The following HRCT1 variants were observed in gnomAD, a reference collection of about 807,000 sequenced individuals.
HRCT1 encodes the protein histidine rich carboxyl terminus 1, also known as histidine-rich carboxyl terminus protein 1.
For synonymous variants in HRCT1, 76 were observed against 69.0 expected (o/e 1.10, Z -0.50); for missense variants, 185 against 161.3 (o/e 1.15, Z -0.80).
chr9:35,906,661 C>T lies in HRCT1; in HGVS notation c.*26C>T, dbSNP rs1383301340. ...GGCTGCTGTCGCCGGTGCCTGTGGACAGCAGCTGCCCCTGCCCTCCCATCT... is the reference window on the plus strand; with the variant it reads ...GGCTGCTGTCGCCGGTGCCTGTGGATAGCAGCTGCCCCTGCCCTCCCATCT... On this transcript the variant is annotated 3_prime_UTR_variant, in exon 1 of 1. Coordinates refer to ENST00000354323, the MANE Select transcript of HRCT1 (RefSeq NM_001039792.2). 7.3e-7 allele frequency: 1 copy of T among 1,373,012 alleles called. No individual in the cohort carries two copies. The highest frequency in any genetic ancestry group is 1.5e-5 in the African/African-American group (1 of 67,452). 85.1% of individuals were successfully genotyped at this position (1,373,012 alleles called of 1,614,324 possible). A position where few individuals can be genotyped will look rare whatever the true frequency, so the allele number is the denominator to read the frequency against.
chr9:35,906,883 C>T lies in HRCT1; in HGVS notation c.*248C>T, dbSNP rs989801553. 16 of 546,348 alleles carry T rather than the reference C, an allele frequency of 2.9e-5. No homozygotes were observed. The highest frequency in any genetic ancestry group is 4.3e-5 in the Non-Finnish European group (13 of 304,484). 33.8% of individuals were successfully genotyped at this position (546,348 alleles called of 1,614,324 possible). On this transcript the variant is annotated 3_prime_UTR_variant, in exon 1 of 1. Coordinates refer to ENST00000354323, the MANE Select transcript of HRCT1 (RefSeq NM_001039792.2). ...GGAGTGGAGAGCAAGGGTGCTCTTT[C>T]GGGGCTGGACAGCCCGTCTTGTGAC... is the stretch of plus-strand genomic sequence containing the variant.
At chr9:35,906,560 CCACCCCCGCCA>C in the HRCT1 span, 4 of 1,541,616 alleles carry the variant, frequency 2.6e-6, no homozygotes, top group South Asian at 1.2e-5. Flanking sequence ...ACCACCACCA[CCACCCCCGCCA>C]CACCCCTCAC....
rs1833083555 is a variant in HRCT1, at chr9:35,906,465, C to A, written c.178C>A (p.Pro60Thr). ...GNRVRRAQPWPFRRRGHLGIF... is the reference protein window; with the variant it reads ...GNRVRRAQPWTFRRRGHLGIF... ...CCGAGTCCGCCGGGCCCAGCCTTGG[C>A]CCTTCCGGCGGCGGGGCCACCTGGG... The change falls in exon 1 of 1, where the codon CCC becomes ACC. Residue 60 changes from proline to threonine, a missense_variant. Physicochemically the swap from Pro to Thr is conservative, Grantham distance 38. Transcript: ENST00000354323. The A allele has an allele frequency of 1.9e-6, 3 of 1,612,200 alleles. No homozygotes were observed. Among genetic ancestry groups the A allele is most frequent in the Non-Finnish European group, 2.5e-6 (3 of 1,179,434 alleles).
At position 35,906,211 on chromosome 9, in the gene HRCT1, G is replaced by A; in HGVS notation, c.-77G>A. ...AGAGACAACAAAGTTCAGTGACTGA[G>A]AGGGCTGAGCGGAGGCTGCTGAAGG... On this transcript the variant is annotated 5_prime_UTR_variant, in exon 1 of 1. Transcript: ENST00000354323. 2.0e-6 allele frequency: 3 copies of A among 1,512,768 alleles called. No individual in the cohort carries two copies. The highest frequency in any genetic ancestry group is 1.8e-6 in the Non-Finnish European group (2 of 1,131,986). 93.7% of individuals were successfully genotyped at this position (1,512,768 alleles called of 1,614,324 possible).
In HRCT1 at chr9:35,906,936, A is replaced by T; in HGVS notation, c.*301A>T. On this transcript the variant is annotated 3_prime_UTR_variant, in exon 1 of 1. Coordinates refer to ENST00000354323, the MANE Select transcript of HRCT1 (RefSeq NM_001039792.2). ...TGACTCCCAGTGAGCCCCAGAAATG[A>T]CAAGCGTGTCTTGGCAGAGCCAGCA... is the stretch of plus-strand genomic sequence containing the variant. 2.2e-6 allele frequency: 1 copy of T among 460,772 alleles called. No homozygotes were observed. The highest frequency in any genetic ancestry group is 4.3e-5 in the South Asian group (1 of 23,258). 28.5% of individuals were successfully genotyped at this position (460,772 alleles called of 1,614,324 possible). A position where few individuals can be genotyped will look rare whatever the true frequency, so the allele number is the denominator to read the frequency against.
rs1405214023 is a variant in HRCT1 at position 35,906,252 on chromosome 9, G to A, written c.-36G>A. ...CTGCTGAAGGGGAGAAAGGAGTGAGGAGCTGCTGGGCAGAGAGGGACTGTC... is the reference window on the plus strand; with the variant it reads ...CTGCTGAAGGGGAGAAAGGAGTGAGAAGCTGCTGGGCAGAGAGGGACTGTC... On this transcript the variant is annotated 5_prime_UTR_variant, in exon 1 of 1. Coordinates refer to ENST00000354323, the MANE Select transcript of HRCT1 (RefSeq NM_001039792.2). 1.3e-6 allele frequency: 2 copies of A among 1,562,874 alleles called. No individual in the cohort carries two copies. Among genetic ancestry groups the A allele is most frequent in the African/African-American group, 2.7e-5 (2 of 74,124 alleles).
rs1324008812 is a variant in HRCT1, at chr9:35,906,565, CCCGCCACACCCCTCACCACCTCCACCA to C, written c.281_307del (p.Arg94_His102del). The C allele has an allele frequency of 3.4e-5, 53 of 1,553,120 alleles. No homozygotes were observed. The highest frequency in any genetic ancestry group is 2.0e-4 in the Middle Eastern group (1 of 4,910). On this transcript the variant is annotated inframe_deletion, in exon 1 of 1. Transcript: ENST00000354323. ...GTGGGCCTCCACCACCACCACCACCCCCGCCACACCCCTCACCACCTCCACCACCACCACCACCCCCACCGCCACCAT... is the reference window on the plus strand; with the variant it reads ...GTGGGCCTCCACCACCACCACCACCCCCACCACCACCCCCACCGCCACCAT...
In HRCT1 at chr9:35,906,602, C is replaced by T. The variant is rs1243857786; in HGVS notation, c.315C>T (p.His105=). ...CTCACCACCTCCACCACCACCACCA[C>T]CCCCACCGCCACCATCCCCGCCACG... ...HTPHHLHHHH[H]PHRHHPRHAR Residue 105 remains histidine (H), a synonymous_variant, in exon 1 of 1, where the codon CAC becomes CAT. Coordinates refer to ENST00000354323, the MANE Select transcript of HRCT1 (RefSeq NM_001039792.2). 20 of 1,477,840 alleles carry T rather than the reference C, an allele frequency of 1.4e-5. No homozygotes were observed. In the African/African-American group the frequency reaches 2.4e-4, roughly 18 times the overall value. 91.5% of individuals were successfully genotyped at this position (1,477,840 alleles called of 1,614,324 possible).
chr9:35,906,799 A>T lies in HRCT1; in HGVS notation c.*164A>T. On this transcript the variant is annotated 3_prime_UTR_variant, in exon 1 of 1. Transcript: ENST00000354323. ...CAGCTGCATTTGCATGGCATGCCCC[A>T]GTGTACTATGGCAGCAGAGAATGGA... The T allele has an allele frequency of 1.0e-6, 1 of 979,804 alleles. No homozygotes were observed. The highest frequency in any genetic ancestry group is 1.5e-6 in the Non-Finnish European group (1 of 666,994). 60.7% of individuals were successfully genotyped at this position (979,804 alleles called of 1,614,324 possible). A position where few individuals can be genotyped will look rare whatever the true frequency, so the allele number is the denominator to read the frequency against.
chr9:35,906,611 C>T lies in HRCT1; in HGVS notation c.324C>T (p.Arg108=), dbSNP rs1554690935. The change falls in exon 1 of 1, where the codon CGC becomes CGT. Residue 108 remains arginine (R), a synonymous_variant. Transcript: ENST00000354323. ...HHLHHHHHPH[R]HHPRHAR is the part of the protein sequence containing the mutation. ...TCCACCACCACCACCACCCCCACCGCCACCATCCCCGCCACGCTCGCTGAG... is the reference window on the plus strand; with the variant it reads ...TCCACCACCACCACCACCCCCACCGTCACCATCCCCGCCACGCTCGCTGAG... 2.6e-6 allele frequency: 4 copies of T among 1,529,604 alleles called. No individual in the cohort carries two copies. Among genetic ancestry groups the T allele is most frequent in the Non-Finnish European group, 3.5e-6 (4 of 1,143,242 alleles). The allele number at this position is 1,529,604 out of a possible 1,614,324, so 94.8% of individuals were successfully genotyped here.
chr9:35,906,794 G>T lies in HRCT1; in HGVS notation c.*159G>T. The T allele has an allele frequency of 9.8e-7, 1 of 1,022,148 alleles. No individual in the cohort carries two copies. Among genetic ancestry groups the T allele is most frequent in the South Asian group, 1.7e-5 (1 of 60,096 alleles). The allele number at this position is 1,022,148 out of a possible 1,614,324, so 63.3% of individuals were successfully genotyped here. On this transcript the variant is annotated 3_prime_UTR_variant, in exon 1 of 1. Coordinates refer to ENST00000354323, the MANE Select transcript of HRCT1 (RefSeq NM_001039792.2). Reference sequence around the variant, plus strand: ...TGCTCCAGCTGCATTTGCATGGCATGCCCCAGTGTACTATGGCAGCAGAGA... The same window carrying T: ...TGCTCCAGCTGCATTTGCATGGCATTCCCCAGTGTACTATGGCAGCAGAGA...
chr9:35,906,438 A>T lies in HRCT1; in HGVS notation c.151A>T (p.Asn51Tyr), dbSNP rs1171128148. 6.2e-7 allele frequency: 1 copy of T among 1,612,974 alleles called. No individual in the cohort carries two copies. Residue 51 changes from asparagine (N) to tyrosine (Y), a missense_variant, in exon 1 of 1, where the codon AAC (asparagine) becomes TAC (tyrosine). Coordinates refer to ENST00000354323, the MANE Select transcript of HRCT1 (RefSeq NM_001039792.2). ...VERNRTAAGG[N>Y]RVRRAQPWPF... The stretch of plus-strand genomic sequence containing the variant: ...GAGGAACCGTACAGCTGCAGGGGGA[A>T]ACCGAGTCCGCCGGGCCCAGCCTTG...
At chr9:35,906,604 C>CACCCCTCA in the HRCT1 span, 2 of 1,154,916 alleles carry the variant, frequency 1.7e-6, no homozygotes, top group Non-Finnish European at 2.3e-6. Context: ...CACCACCACC[C>CACCCCTCA]CCACCGCCAC....
Position 35,906,368 on chromosome 9 carries a change from G to T in HRCT1, c.81G>T (p.Leu27=). 1 of 1,611,944 alleles carries T rather than the reference G, an allele frequency of 6.2e-7. No individual in the cohort carries two copies. Among genetic ancestry groups the T allele is most frequent in the Non-Finnish European group, 8.5e-7 (1 of 1,179,818 alleles). ...AAVAVLLLLL[L]LATCLFHGRQ... ...TGGCGGTCCTGCTGCTGCTGCTGCT[G>T]CTGGCCACCTGCCTTTTCCACGGAC... Residue 27 remains leucine (L), a synonymous_variant, in exon 1 of 1, where the codon CTG becomes CTT. Transcript: ENST00000354323.
Position 35,906,347 on chromosome 9 carries a change from G to A in HRCT1, c.60G>A (p.Ala20=), listed in dbSNP as rs374590028. ...LVGWITGAAV[A]VLLLLLLLAT... ...GATGGATCACAGGTGCTGCTGTGGCGGTCCTGCTGCTGCTGCTGCTGCTGG... is the reference window on the plus strand; with the variant it reads ...GATGGATCACAGGTGCTGCTGTGGCAGTCCTGCTGCTGCTGCTGCTGCTGG... The change falls in exon 1 of 1, where the codon GCG becomes GCA. Residue 20 remains alanine, a synonymous_variant. Coordinates refer to ENST00000354323, the MANE Select transcript of HRCT1 (RefSeq NM_001039792.2). 8.7e-6 allele frequency: 14 copies of A among 1,611,124 alleles called. No homozygotes were observed. Among genetic ancestry groups the A allele is most frequent in the Admixed American group, 3.3e-5 (2 of 59,924 alleles).
rs1833109665 is a variant in HRCT1, at chr9:35,906,821, T to C, written c.*186T>C. 20 of 845,978 alleles carry C rather than the reference T, an allele frequency of 2.4e-5. 1 individual carries two copies. In the South Asian group the frequency reaches 3.3e-4, roughly 14 times the overall value. The allele number at this position is 845,978 out of a possible 1,614,324, so 52.4% of individuals were successfully genotyped here. ...CCCAGTGTACTATGGCAGCAGAGAATGGAGGAACACTGGGTCTGCAGTGCT... is the reference window on the plus strand; with the variant it reads ...CCCAGTGTACTATGGCAGCAGAGAACGGAGGAACACTGGGTCTGCAGTGCT... On this transcript the variant is annotated 3_prime_UTR_variant, in exon 1 of 1. Coordinates refer to ENST00000354323, the MANE Select transcript of HRCT1 (RefSeq NM_001039792.2).
Position 35,907,074 on chromosome 9 carries a change from A to G in HRCT1, c.*439A>G. On this transcript the variant is annotated 3_prime_UTR_variant, in exon 1 of 1. Coordinates refer to ENST00000354323, the MANE Select transcript of HRCT1 (RefSeq NM_001039792.2). ...AATGTCCTTTTGGTTTGGAGAAGGC[A>G]GTGTGAGGCTGCACAGTCAATTCAT... 1 of 221,806 alleles carries G rather than the reference A, an allele frequency of 4.5e-6. No homozygotes were observed. The highest frequency in any genetic ancestry group is 9.8e-6 in the Non-Finnish European group (1 of 102,080). 13.7% of individuals were successfully genotyped at this position (221,806 alleles called of 1,614,324 possible).
In HRCT1 at chr9:35,906,220, G is replaced by A. The variant is rs1833078039; in HGVS notation, c.-68G>A. 5 of 1,532,336 alleles carry A rather than the reference G, an allele frequency of 3.3e-6. No homozygotes were observed. The allele number at this position is 1,532,336 out of a possible 1,614,324, so 94.9% of individuals were successfully genotyped here. A position where few individuals can be genotyped will look rare whatever the true frequency, so the allele number is the denominator to read the frequency against. The stretch of plus-strand genomic sequence containing the variant: ...AAAGTTCAGTGACTGAGAGGGCTGA[G>A]CGGAGGCTGCTGAAGGGGAGAAAGG... On this transcript the variant is annotated 5_prime_UTR_variant, in exon 1 of 1. Coordinates refer to ENST00000354323, the MANE Select transcript of HRCT1 (RefSeq NM_001039792.2).
rs539852735 is a variant in HRCT1 at position 35,906,490 on chromosome 9, G to T, written c.203G>T (p.Gly68Val). Reference sequence around the variant, plus strand: ...CCCTTCCGGCGGCGGGGCCACCTGGGAATCTTTCACCATCACCGTCATCCT... The same window carrying T: ...CCCTTCCGGCGGCGGGGCCACCTGGTAATCTTTCACCATCACCGTCATCCT... ...PWPFRRRGHLGIFHHHRHPGH... is the reference protein window; with the variant it reads ...PWPFRRRGHLVIFHHHRHPGH... Residue 68 changes from glycine to valine, a missense_variant, in exon 1 of 1, where the codon GGA (glycine) becomes GTA (valine). Coordinates refer to ENST00000354323, the MANE Select transcript of HRCT1 (RefSeq NM_001039792.2). 6.3e-6 allele frequency: 10 copies of T among 1,587,134 alleles called. No homozygotes were observed. Among genetic ancestry groups the T allele is most frequent in the Non-Finnish European group, 7.7e-6 (9 of 1,165,392 alleles).
Sources: allele counts gnomAD v4.1 joint callset, GRCh38; gene constraint gnomAD v4.1.1; transcripts MANE v1.5; gene names NCBI Gene and HGNC (gene_info 2026-07-23, HGNC 2026-07-21).